HDDC3: variants seen among roughly 807,000 people sequenced by gnomAD.
HDDC3 encodes the protein HD domain containing 3.
Under a neutral mutation model 19.1 loss-of-function variants are expected in HDDC3, and 18 were observed. The observed-to-expected ratio is 0.94, with a 90% CI of 0.65 to 1.40. The LOEUF (loss-of-function observed/expected upper bound fraction) is 1.40. HDDC3 is among the 40% of genes most tolerant of loss of function. The probability of loss-of-function intolerance (pLI) is 0.00; values close to 1 mark genes in which losing one functional copy is unlikely to be tolerated. For missense variants in HDDC3, 250 were observed against 228.9 expected, an observed-to-expected ratio of 1.09 and a Z score of -0.59; for synonymous variants, 107 against 99.4, an observed-to-expected ratio of 1.08 and a Z score of -0.46.
rs545038439 is a variant in HDDC3, at chr15:90,931,178, A to T, written c.*97T>A. ...TTTTGGCCTCTAATATCTGGGAAGG[A>T]TGGAGGGAGCTCAGGAGACACAGAA... On this transcript the variant is annotated 3_prime_UTR_variant, in exon 4 of 4. Transcript: ENST00000394272. 7.0e-6 allele frequency: 10 copies of T among 1,421,794 alleles called. No homozygotes were observed. The South Asian group carries it at 1.2e-4, about 17-fold the overall frequency. 88.1% of individuals were successfully genotyped at this position (1,421,794 alleles called of 1,614,324 possible).
Position 90,931,793 on chromosome 15 carries a change from T to G in HDDC3, c.320A>C (p.Gln107Pro), listed in dbSNP as rs981666865. The change falls in exon 3 of 4, where the codon CAA becomes CCA. Residue 107 changes from glutamine to proline, a missense_variant. Physicochemically the swap from Gln to Pro is moderately conservative, Grantham distance 76. Transcript: ENST00000394272. Reference sequence around the variant, plus strand: ...GGCCCCGGGGCTACTGTGGGGCGCTTGCTCCACCTGCAGCCTCTTTCTCTC... The same window carrying G: ...GGCCCCGGGGCTACTGTGGGGCGCTGGCTCCACCTGCAGCCTCTTTCTCTC... ...KLERKRLQVE[Q>P]APHSSPGAKL... 1.9e-6 allele frequency: 3 copies of G among 1,614,148 alleles called. No homozygotes were observed. The highest frequency in any genetic ancestry group is 1.7e-5 in the Admixed American group (1 of 60,022).
chr15:90,931,212 G>A lies in HDDC3; in HGVS notation c.*63C>T, dbSNP rs113365430. On this transcript the variant is annotated 3_prime_UTR_variant, in exon 4 of 4. Coordinates refer to ENST00000394272, the MANE Select transcript of HDDC3 (RefSeq NM_001286451.2). The stretch of plus-strand genomic sequence containing the variant: ...GCTCAGGAGACACAGAAAAGATGGC[G>A]TATGAATCCTGTCCGGCCTGAACGA... 1.4e-3 allele frequency: 2,187 copies of A among 1,528,006 alleles called. 12 individuals carry two copies. In the African/African-American group the frequency reaches 0.016, roughly 11 times the overall value. 94.7% of individuals were successfully genotyped at this position (1,528,006 alleles called of 1,614,324 possible). A position where few individuals can be genotyped will look rare whatever the true frequency, so the allele number is the denominator to read the frequency against.
chr15:90,931,667 C>T, intron 3 of HDDC3, 37 bp downstream of exon 3: 2 of 1,613,924 alleles, frequency 1.2e-6, no homozygotes, highest in South Asian at 1.1e-5. Flanking sequence ...GGCGGCATCC[C>T]CCTCCCTTTT....
Position 90,931,251 on chromosome 15 carries a change from C to T in HDDC3, c.*24G>A, listed in dbSNP as rs1173938075. On this transcript the variant is annotated 3_prime_UTR_variant, in exon 4 of 4. Coordinates refer to ENST00000394272, the MANE Select transcript of HDDC3 (RefSeq NM_001286451.2). ...CGGCCTGAACGAGGCTGGAGTTGTG[C>T]CTCTGGATAGCTTCAAGCACTGATC... The T allele has an allele frequency of 3.2e-6, 5 of 1,550,460 alleles. No homozygotes were observed. Among genetic ancestry groups the T allele is most frequent in the Non-Finnish European group, 4.4e-6 (5 of 1,146,940 alleles).
rs779117867 is a variant in HDDC3 at position 90,931,777 on chromosome 15, G to A, written c.336C>T (p.Ser112=). ...CCAGCTTCACCAGTTTGGCCCCGGG[G>A]CTACTGTGGGGCGCTTGCTCCACCT... ...RLQVEQAPHS[S]PGAKLVKLAD... Residue 112 remains serine, a synonymous_variant, in exon 3 of 4, where the codon AGC becomes AGT. Transcript: ENST00000394272. The A allele has an allele frequency of 6.2e-6, 10 of 1,614,102 alleles. No individual in the cohort carries two copies. The highest frequency in any genetic ancestry group is 3.3e-5 in the South Asian group (3 of 91,082).
intron 1 of HDDC3, 117 bp from the exon 2 acceptor site, chr15:90,932,227 G>T: frequency 8.6e-7 from 1 of 1,166,232 alleles, no homozygotes; most frequent in Non-Finnish European, 1.2e-6. Flanking sequence ...GGGTGACCTT[G>T]GTCAAGTACC....
In HDDC3 at chr15:90,931,269, C is replaced by A. The variant is rs1390656942; in HGVS notation, c.*6G>T. ...AGTTGTGCCTCTGGATAGCTTCAAG[C>A]ACTGATCAGATTGTCAGCCCCCGCT... On this transcript the variant is annotated 3_prime_UTR_variant, in exon 4 of 4. Transcript: ENST00000394272. The A allele has an allele frequency of 3.2e-6, 5 of 1,550,770 alleles. No homozygotes were observed. In the South Asian group the frequency reaches 4.8e-5, roughly 15 times the overall value.
Position 90,932,495 on chromosome 15 carries a change from C to T in HDDC3, c.46G>A (p.Ala16Thr). The T allele has an allele frequency of 7.6e-7, 1 of 1,310,900 alleles. No homozygotes were observed. Among genetic ancestry groups the T allele is most frequent in the South Asian group, 2.3e-5 (1 of 42,872 alleles). The allele number at this position is 1,310,900 out of a possible 1,614,324, so 81.2% of individuals were successfully genotyped here. Reference protein sequence around the residue: ...AQLLEAADFAARKHRQQRRKD... With the variant: ...AQLLEAADFATRKHRQQRRKD... ...CGCCGCTGCTGCCGGTGCTTGCGAG[C>T]CGCGAAGTCGGCAGCCTCCAGCAGC... is the stretch of plus-strand genomic sequence containing the variant. The change falls in exon 1 of 4, where the codon GCT becomes ACT. Residue 16 changes from alanine (A) to threonine (T), a missense_variant. Ala to Thr is a moderately conservative substitution (Grantham distance 58). Transcript: ENST00000394272.
intron 2 of HDDC3, 29 bp downstream of exon 2, chr15:90,932,025 AG>A: frequency 6.2e-7 from 1 of 1,613,920 alleles, no homozygotes. Context: ...TCCCCATCCC[AG>A]GCTCCTGGCA....
chr15:90,932,420 C>A lies in HDDC3; in HGVS notation c.112+9G>T. 4.5e-6 allele frequency: 6 copies of A among 1,335,784 alleles called. No homozygotes were observed. Among genetic ancestry groups the A allele is most frequent in the Non-Finnish European group, 4.8e-6 (5 of 1,041,824 alleles). 82.7% of individuals were successfully genotyped at this position (1,335,784 alleles called of 1,614,324 possible). ...GCCGCAGCCGGCGCTCCGCGGCCGA[C>A]GCGCCCACCGATGGGGTGGTTGATG... On this transcript the variant is annotated intron_variant, in intron 1 of 3. Coordinates refer to ENST00000394272, the MANE Select transcript of HDDC3 (RefSeq NM_001286451.2).
At position 90,932,523 on chromosome 15, in the gene HDDC3, C is replaced by T; in HGVS notation, c.18G>A (p.Ala6=). MGSEA[A]QLLEAADFAA... ...CGAAGTCGGCAGCCTCCAGCAGCTG[C>T]GCCGCCTCAGAGCCCATCGCGCGGA... is the stretch of plus-strand genomic sequence containing the variant. Residue 6 remains alanine, a synonymous_variant, in exon 1 of 4, where the codon GCG becomes GCA. Coordinates refer to ENST00000394272, the MANE Select transcript of HDDC3 (RefSeq NM_001286451.2). The T allele has an allele frequency of 7.7e-7, 1 of 1,292,454 alleles. No individual in the cohort carries two copies. Among genetic ancestry groups the T allele is most frequent in the Non-Finnish European group, 9.8e-7 (1 of 1,020,524 alleles). The allele number at this position is 1,292,454 out of a possible 1,614,324, so 80.1% of individuals were successfully genotyped here.
chr15:90,931,493 C>T, intron 3 of HDDC3, 88 bp from the exon 4 acceptor site: 2 of 1,614,174 alleles, frequency 1.2e-6, no homozygotes. Context: ...GGTTCAAGGC[C>T]ATGAGTTCCT....
Position 90,931,912 on chromosome 15 carries a change from T to A in HDDC3, c.201A>T (p.Thr67=). 2 of 1,614,008 alleles carry A rather than the reference T, an allele frequency of 1.2e-6. No homozygotes were observed. Among genetic ancestry groups the A allele is most frequent in the Non-Finnish European group, 1.7e-6 (2 of 1,180,012 alleles). ...GCTCCACCTCATCCAGGGTGGTGTC[T>A]GTGTCCTCCACCGTGTCATGGAGCA... ...AALLHDTVED[T]DTTLDEVELH... is the part of the protein sequence containing the mutation. Residue 67 remains threonine (T), a synonymous_variant, in exon 3 of 4, where the codon ACA becomes ACT. Coordinates refer to ENST00000394272, the MANE Select transcript of HDDC3 (RefSeq NM_001286451.2).
chr15:90,932,569 G>A (rs1347142005), upstream of HDDC3: 1 of 1,204,762 alleles, frequency 8.3e-7, no homozygotes, highest in African/African-American at 1.6e-5. Flanking sequence ...GACTGCGGCC[G>A]CAGGGGCAGG....
chr15:90,932,524 G>A lies in HDDC3; in HGVS notation c.17C>T (p.Ala6Val), dbSNP rs1175532140. 1.5e-6 allele frequency: 2 copies of A among 1,292,466 alleles called. No individual in the cohort carries two copies. The highest frequency in any genetic ancestry group is 2.0e-6 in the Non-Finnish European group (2 of 1,020,626). 80.1% of individuals were successfully genotyped at this position (1,292,466 alleles called of 1,614,324 possible). A position where few individuals can be genotyped will look rare whatever the true frequency, so the allele number is the denominator to read the frequency against. The change falls in exon 1 of 4, where the codon GCG (alanine) becomes GTG (valine). Residue 6 changes from alanine (A) to valine (V), a missense_variant. Physicochemically the swap from Ala to Val is moderately conservative, Grantham distance 64. Transcript: ENST00000394272. MGSEA[A>V]QLLEAADFAA... ...GAAGTCGGCAGCCTCCAGCAGCTGC[G>A]CCGCCTCAGAGCCCATCGCGCGGAT... is the stretch of plus-strand genomic sequence containing the variant.
rs1250151572 is a variant in HDDC3, at chr15:90,931,280, T to A, written c.535A>T (p.Ile179Phe). Residue 179 changes from isoleucine (I) to phenylalanine (F), a missense_variant, in exon 4 of 4, where the codon ATC becomes TTC. Transcript: ENST00000394272. ...TGGATAGCTTCAAGCACTGATCAGA[T>A]TGTCAGCCCCCGCTGCTTGAACAGA... The part of the protein sequence containing the change: ...KHLFKQRGLT[I>F] 6.4e-7 allele frequency: 1 copy of A among 1,550,486 alleles called. No homozygotes were observed. Among genetic ancestry groups the A allele is most frequent in the Non-Finnish European group, 8.7e-7 (1 of 1,146,848 alleles).
At position 90,931,392 on chromosome 15, in the gene HDDC3, A is replaced by C; in HGVS notation, c.423T>G (p.His141Gln). The change falls in exon 4 of 4, where the codon CAT (histidine) becomes CAG (glutamine). Residue 141 changes from histidine to glutamine, a missense_variant. Physicochemically the swap from His to Gln is conservative, Grantham distance 24. Coordinates refer to ENST00000394272, the MANE Select transcript of HDDC3 (RefSeq NM_001286451.2). ...NRCTPEGWSEHRVQEYFEWAA... is the reference protein window; with the variant it reads ...NRCTPEGWSEQRVQEYFEWAA... ...CCCACTCGAAGTATTCCTGGACTCG[A>C]TGTTCTGACCATCCTGCATAAGAGT... is the stretch of plus-strand genomic sequence containing the variant. The C allele has an allele frequency of 6.4e-7, 1 of 1,572,828 alleles. No individual in the cohort carries two copies. Among genetic ancestry groups the C allele is most frequent in the Non-Finnish European group, 8.6e-7 (1 of 1,158,314 alleles).
At position 90,931,248 on chromosome 15, in the gene HDDC3, G is replaced by A; in HGVS notation, c.*27C>T. The A allele has an allele frequency of 6.4e-7, 1 of 1,550,436 alleles. No homozygotes were observed. The highest frequency in any genetic ancestry group is 8.7e-7 in the Non-Finnish European group (1 of 1,146,778). On this transcript the variant is annotated 3_prime_UTR_variant, in exon 4 of 4. Coordinates refer to ENST00000394272, the MANE Select transcript of HDDC3 (RefSeq NM_001286451.2). The stretch of plus-strand genomic sequence containing the variant: ...GTCCGGCCTGAACGAGGCTGGAGTT[G>A]TGCCTCTGGATAGCTTCAAGCACTG...
intron 1 of HDDC3, 66 bp downstream of exon 1, chr15:90,932,363 C>CA: frequency 2.0e-6 from 2 of 1,014,294 alleles, no homozygotes; most frequent in East Asian, 3.1e-5. Context: ...GCACGCCCCC[C>CA]ACGTTTCCTT....
Sources: allele counts gnomAD v4.1 joint callset, GRCh38; gene constraint gnomAD v4.1.1; transcripts MANE v1.5; gene names NCBI Gene and HGNC (gene_info 2026-07-23, HGNC 2026-07-21).